The following TUSC3 variants were observed in gnomAD, a reference collection of about 807,000 sequenced individuals.
TUSC3 encodes the protein dolichyl-diphosphooligosaccharide--protein glycosyltransferase subunit TUSC3.
In TUSC3, 45 loss-of-function variants were observed where a neutral mutation model predicts 44.8. That is an observed-to-expected ratio of 1.00 (90% CI 0.79 to 1.29). The LOEUF (loss-of-function observed/expected upper bound fraction) is 1.29, where lower values mean the gene tolerates loss of function less well. Among genes scored for constraint, TUSC3 ranks in the 50% most tolerant of loss-of-function variants. TUSC3 has a pLI of 0.00. For missense variants in TUSC3, 519 were observed against 437.9 expected, an observed-to-expected ratio of 1.19 and a Z score of -1.65; for synonymous variants, 212 against 152.9, an observed-to-expected ratio of 1.39 and a Z score of -2.85.
rs181265146 is a variant in TUSC3, at chr8:15,680,440, A to G, written c.798+6604A>G. ...TGTTTTAGAAATGCTACTAATTTTC[A>G]TAGATTGATTCCTGAAACTTTACTG... is the stretch of plus-strand genomic sequence containing the variant. On this transcript the variant is annotated intron_variant, in intron 6 of 10. Coordinates refer to ENST00000503731, the MANE Select transcript of TUSC3 (RefSeq NM_006765.4). Among the ~76,000 whole-genome samples the G allele has an allele frequency of 1.4e-4, 21 of 152,152 alleles. No homozygotes were observed. In the East Asian group the frequency reaches 4.1e-3, roughly 29 times the overall value.
intron 2 of TUSC3, among the ~76,000 whole-genome samples, chr8:15,487,820 A>G (rs1800753620): frequency 6.6e-6 from 1 of 152,138 alleles, no homozygotes; most frequent in South Asian, 2.1e-4. Flanking sequence ...CGTTGTTTTA[A>G]AATTTCAAAA....
At chr8:15,717,640 C>T (rs1585261954) in intron 6 of TUSC3, among the ~76,000 whole-genome samples, 1 of 152,048 alleles carries the variant, frequency 6.6e-6, no homozygotes, top group African/African-American at 2.4e-5. Context: ...TCTTTGGAGT[C>T]TTTCCATGTC....
chr8:15,819,996 T>C, the TUSC3 span, among the ~76,000 whole-genome samples: 1 of 152,226 alleles, frequency 6.6e-6, no homozygotes, highest in Non-Finnish European at 1.5e-5. Flanking sequence ...TTATGCTGAC[T>C]ACATGTTTTT....
At chr8:15,593,793 T>G (rs1470191191) in intron 1 of TUSC3, among the ~76,000 whole-genome samples, 1 of 152,172 alleles carries the variant, frequency 6.6e-6, no homozygotes, top group African/African-American at 2.4e-5. Flanking sequence ...CTCTGTGCAC[T>G]GTTGTTTACC....
intron 1 of TUSC3, among the ~76,000 whole-genome samples, chr8:15,586,678 A>G (rs1803617499): frequency 6.6e-6 from 1 of 152,152 alleles, no homozygotes; most frequent in Non-Finnish European, 1.5e-5. Flanking sequence ...ATGAAGTAGG[A>G]GTCAGGAGAA....
chr8:15,754,291 T>C (rs1023465078), intron 9 of TUSC3, among the ~76,000 whole-genome samples: 1 of 151,356 alleles, frequency 6.6e-6, no homozygotes, highest in Admixed American at 6.6e-5. Context: ...TCATAAACTC[T>C]AGGGACCAAG....
the TUSC3 span, among the ~76,000 whole-genome samples, chr8:15,823,235 C>T: frequency 6.6e-6 from 1 of 152,254 alleles, no homozygotes; most frequent in African/African-American, 2.4e-5. Flanking sequence ...TACCCAAAAG[C>T]CTGAATAGTG....
chr8:15,626,986 G>A (rs1234744812), intron 2 of TUSC3, among the ~76,000 whole-genome samples: 1 of 148,354 alleles, frequency 6.7e-6, no homozygotes, highest in African/African-American at 2.5e-5. Flanking sequence ...AGCCTGGGGG[G>A]CTGGGCTGCC....
intron 6 of TUSC3, among the ~76,000 whole-genome samples, chr8:15,704,387 CAT>C (rs1047508653): frequency 1.3e-5 from 2 of 151,086 alleles, no homozygotes; most frequent in African/African-American, 4.9e-5. Context: ...CACAAGTTGA[CAT>C]GTGTTCTATA....
At chr8:15,722,250 T>C (rs75215835) in intron 6 of TUSC3, among the ~76,000 whole-genome samples, 1 of 141,884 alleles carries the variant, frequency 7.0e-6, no homozygotes, top group African/African-American at 2.6e-5. Context: ...TGTTTCTTTC[T>C]TTTTTTTTTT....
chr8:15,707,881 A>G (rs1809683318), intron 6 of TUSC3, among the ~76,000 whole-genome samples: 1 of 151,936 alleles, frequency 6.6e-6, no homozygotes, highest in Non-Finnish European at 1.5e-5. Context: ...TTCTAAGGAA[A>G]GAACCATCCC....
the TUSC3 span, among the ~76,000 whole-genome samples, chr8:15,818,865 G>T: frequency 6.6e-6 from 1 of 152,158 alleles, no homozygotes; most frequent in African/African-American, 2.4e-5. Context: ...AATGGTGAAG[G>T]CTGTATTGAA....
At chr8:15,601,371 C>T (rs989839434) in intron 1 of TUSC3, among the ~76,000 whole-genome samples, 31 of 151,630 alleles carry the variant, frequency 2.0e-4, no homozygotes, top group African/African-American at 7.5e-4. Context: ...GTGTCTAAAG[C>T]AACGGGTTTA....
the TUSC3 span, among the ~76,000 whole-genome samples, chr8:15,839,604 C>A: frequency 6.6e-6 from 1 of 152,200 alleles, no homozygotes; most frequent in Non-Finnish European, 1.5e-5. Context: ...GACATTTATG[C>A]AGCCAACAGA....
chr8:15,806,464 C>A, the TUSC3 span: 1 of 855,064 alleles, frequency 1.2e-6, no homozygotes, highest in South Asian at 1.3e-5. Flanking sequence ...CTTGACTTCC[C>A]TTATGCAAAC....
chr8:15,768,526 A>C (rs1022093944), downstream of TUSC3, among the ~76,000 whole-genome samples: 10 of 152,180 alleles, frequency 6.6e-5, no homozygotes, highest in African/African-American at 2.4e-4. Flanking sequence ...TCTTCAACCT[A>C]CTCAAAGAGC....
At chr8:15,449,823 G>A (rs757883056) in intron 1 of TUSC3, among the ~76,000 whole-genome samples, 5 of 152,002 alleles carry the variant, frequency 3.3e-5, no homozygotes, top group Non-Finnish European at 1.5e-5. Context: ...GTAGGTGACC[G>A]TTTTTTTAAT....
At chr8:15,501,650 G>C (rs962404137) in intron 2 of TUSC3, among the ~76,000 whole-genome samples, 2 of 152,170 alleles carry the variant, frequency 1.3e-5, no homozygotes, top group African/African-American at 4.8e-5. Flanking sequence ...AGGTACTCAA[G>C]CAGTTTCGTC....
intron 1 of TUSC3, among the ~76,000 whole-genome samples, chr8:15,455,318 A>T (rs1585051882): frequency 6.6e-6 from 1 of 152,050 alleles, no homozygotes. Context: ...TAACATGTAG[A>T]TTGGTTTTAT....
Sources: gnomAD v4.1 joint callset for allele counts (sites outside exome capture counted in the v4.1 genomes callset) on GRCh38, gnomAD v4.1.1 for gene constraint, MANE v1.5 for transcripts, NCBI Gene and HGNC (gene_info 2026-07-23, HGNC 2026-07-21) for gene names.